Variants in MAGI1 observed in about 807,000 individuals in gnomAD.
MAGI1 encodes the protein membrane associated guanylate kinase, WW and PDZ domain containing 1, also known as membrane-associated guanylate kinase, WW and PDZ domain-containing protein 1.
Under a neutral mutation model 139.9 loss-of-function variants are expected in MAGI1, and 58 were observed. The ratio of observed to expected loss-of-function variants is 0.41; its 90% CI spans 0.34 to 0.52. The LOEUF (loss-of-function observed/expected upper bound fraction) is 0.52, where lower values mean the gene tolerates loss of function less well. MAGI1 is among the 20% of genes least tolerant of loss of function. The probability of loss-of-function intolerance (pLI) is 0.12; values close to 1 mark genes in which losing one functional copy is unlikely to be tolerated. For missense variants in MAGI1, 1,874 were observed against 1,901.6 expected, an observed-to-expected ratio of 0.99 and a Z score of 0.27; for synonymous variants, 812 against 737.9, an observed-to-expected ratio of 1.10 and a Z score of -1.63.
intron 2 of MAGI1, among the ~76,000 whole-genome samples, chr3:65,506,535 A>G (rs1448625430): frequency 6.6e-6 from 1 of 152,206 alleles, no homozygotes. Context: ...CATTTTTCAA[A>G]GTCACACAAG....
chr3:65,817,201 A>G (rs1575597054), intron 1 of MAGI1, among the ~76,000 whole-genome samples: 1 of 152,328 alleles, frequency 6.6e-6, no homozygotes, highest in Non-Finnish European at 1.5e-5. Flanking sequence ...AGATGTGCAT[A>G]TTCCCCAAAA....
At chr3:65,950,043 T>TC (rs1222253704) in intron 1 of MAGI1, among the ~76,000 whole-genome samples, 1 of 14,738 alleles carries the variant, frequency 6.8e-5, no homozygotes, top group Non-Finnish European at 1.1e-4. Flanking sequence ...AGCCAGATCA[T>TC]CAAAAAAAAA....
intron 1 of MAGI1, among the ~76,000 whole-genome samples, chr3:65,757,076 T>C (rs2036620608): frequency 7.2e-6 from 1 of 139,842 alleles, no homozygotes; most frequent in Non-Finnish European, 1.5e-5. Flanking sequence ...CCGGGAGGTT[T>C]ATAAAATCAC....
intron 20 of MAGI1, 43 bp from the exon 21 acceptor site, chr3:65,363,651 A>G: frequency 6.4e-7 from 1 of 1,572,962 alleles, no homozygotes; most frequent in Non-Finnish European, 8.7e-7. Flanking sequence ...GAGAACTAAT[A>G]TCCATAGGAC....
intron 22 of MAGI1, chr3:65,360,980 A>G (rs1026909196): frequency 1.1e-5 from 16 of 1,437,336 alleles, no homozygotes; most frequent in Middle Eastern, 4.6e-4. Flanking sequence ...GGGGCTATAA[A>G]GATCTTGTCT....
At chr3:65,693,812 A>C (rs60208832) in intron 1 of MAGI1, among the ~76,000 whole-genome samples, 46,079 of 151,848 alleles carry the variant, frequency 0.3, 7,115 homozygotes, top group East Asian at 0.43. Flanking sequence ...CAACTTCTAC[A>C]TCCCGGATTC....
intron 1 of MAGI1, among the ~76,000 whole-genome samples, chr3:65,847,569 A>T (rs781453012): frequency 7.2e-5 from 11 of 152,236 alleles, no homozygotes; most frequent in Non-Finnish European, 1.2e-4. Flanking sequence ...TTTCTTAAAT[A>T]TATTTATCAA....
intron 1 of MAGI1, among the ~76,000 whole-genome samples, chr3:65,959,025 T>C (rs2064277488): frequency 6.6e-6 from 1 of 151,338 alleles, no homozygotes; most frequent in African/African-American, 2.4e-5. Flanking sequence ...ATTTTGCCCC[T>C]TGTCCAGAGT....
At position 65,525,194 on chromosome 3, in the gene MAGI1, T is replaced by A. The variant is rs2078329069; in HGVS notation, c.431-31563A>T. 1.3e-5 allele frequency among the ~76,000 whole-genome samples: 2 copies of A among 152,034 alleles called. 1 individual carries two copies. The highest frequency in any genetic ancestry group is 4.1e-4 in the South Asian group (2 of 4,820). ...TCAGCAAGACTGCCAGACACTACTA[T>A]CCCACTGCACCGATGTCAAAGCCAC... On this transcript the variant is annotated intron_variant, in intron 2 of 22. Transcript: ENST00000402939.
At position 65,391,374 on chromosome 3, in the gene MAGI1, TGA is replaced by T. The variant is rs1309617890; in HGVS notation, c.2200-18_2200-17del. 3.7e-6 allele frequency: 6 copies of T among 1,602,744 alleles called. No homozygotes were observed. The highest frequency in any genetic ancestry group is 5.1e-6 in the Non-Finnish European group (6 of 1,169,888). ...CCAGTGGTTGCTGAAAGTAAGCAAG[TGA>T]GAGGGGCAAGAAGAAAAGATTATTA... On this transcript the variant is annotated splice_polypyrimidine_tract_variant and intron_variant, in intron 13 of 22. Transcript: ENST00000402939.
At chr3:65,791,162 G>T (rs7610001) in intron 1 of MAGI1, among the ~76,000 whole-genome samples, 1 of 152,124 alleles carries the variant, frequency 6.6e-6, no homozygotes, top group Non-Finnish European at 1.5e-5. Context: ...CACACAGCGC[G>T]TGCTGTCCAT....
chr3:65,857,500 A>G (rs2059411061), intron 1 of MAGI1, among the ~76,000 whole-genome samples: 1 of 152,204 alleles, frequency 6.6e-6, no homozygotes, highest in East Asian at 1.9e-4. Context: ...CAAATCACAC[A>G]GAAGAAAACA....
intron 1 of MAGI1, among the ~76,000 whole-genome samples, chr3:65,829,529 C>T (rs1313960851): frequency 6.6e-6 from 1 of 152,216 alleles, no homozygotes; most frequent in East Asian, 1.9e-4. Context: ...GACATCATAT[C>T]TGCTGGTGCC....
intron 1 of MAGI1, among the ~76,000 whole-genome samples, chr3:65,677,578 A>G (rs933525682): frequency 2.0e-5 from 3 of 152,240 alleles, no homozygotes; most frequent in Non-Finnish European, 4.4e-5. Context: ...GGTAGTTAAA[A>G]GTCAACACTG....
At chr3:66,007,156 T>A (rs2067065737) in intron 1 of MAGI1, among the ~76,000 whole-genome samples, 1 of 152,088 alleles carries the variant, frequency 6.6e-6, no homozygotes, top group African/African-American at 2.4e-5. Context: ...ATCACATATG[T>A]CACGTAAAGT....
At chr3:65,365,249 C>A in intron 18 of MAGI1, 2 of 557,414 alleles carry the variant, frequency 3.6e-6, no homozygotes, top group South Asian at 1.5e-5. Context: ...TCTCACTCCT[C>A]CCCTGCCACT....
At chr3:65,984,522 G>GTGTGTA (rs1475210703) in intron 1 of MAGI1, among the ~76,000 whole-genome samples, 4 of 125,306 alleles carry the variant, frequency 3.2e-5, no homozygotes, top group Middle Eastern at 3.8e-3. Flanking sequence ...ATGTGTGTGT[G>GTGTGTA]TGTGTGTGTG....
At chr3:65,600,478 A>G (rs945949069) in intron 2 of MAGI1, among the ~76,000 whole-genome samples, 45 of 152,340 alleles carry the variant, frequency 3.0e-4, no homozygotes, top group Non-Finnish European at 1.8e-4. Context: ...GAGGTGTAGT[A>G]TCTTGACACA....
chr3:65,731,770 C>T (rs1233334048), intron 1 of MAGI1, among the ~76,000 whole-genome samples: 1 of 151,778 alleles, frequency 6.6e-6, no homozygotes, highest in Non-Finnish European at 1.5e-5. Context: ...AGCCTAAAAG[C>T]AAGCTGTGCT....
Sources: allele counts gnomAD v4.1 joint callset (sites outside exome capture counted in the v4.1 genomes callset), GRCh38; gene constraint gnomAD v4.1.1; transcripts MANE v1.5; gene names NCBI Gene and HGNC (gene_info 2026-07-23, HGNC 2026-07-21).